Variants in LRRC4C observed in about 807,000 individuals in gnomAD.
LRRC4C encodes the protein leucine-rich repeat-containing protein 4C.
LRRC4C carries 5 observed loss-of-function variants against 33.6 expected under a neutral mutation model. The observed-to-expected ratio is 0.15, with a 90% CI of 0.08 to 0.31. The LOEUF is 0.31. LRRC4C is among the 10% of genes least tolerant of loss of function. The probability of loss-of-function intolerance (pLI) is 1.00; values close to 1 mark genes in which losing one functional copy is unlikely to be tolerated. For synonymous variants in LRRC4C, 329 were observed against 302.0 expected (o/e 1.09, Z -0.93); for missense variants, 560 against 796.7 (o/e 0.70, Z 3.58).
At chr11:41,325,503 G>A (rs1020489539) in intron 1 of LRRC4C, among the ~76,000 whole-genome samples, 2 of 151,106 alleles carry the variant, frequency 1.3e-5, no homozygotes, top group Non-Finnish European at 2.9e-5. Flanking sequence ...TATGGAATAG[G>A]GGTAATAACA....
chr11:40,356,507 G>A (rs942292666), intron 3 of LRRC4C, among the ~76,000 whole-genome samples: 6 of 152,176 alleles, frequency 3.9e-5, no homozygotes, highest in East Asian at 1.9e-4. Flanking sequence ...ATGTCTGGCC[G>A]CTAAGGGTAG....
At chr11:40,224,286 A>T (rs979383398) in intron 5 of LRRC4C, among the ~76,000 whole-genome samples, 5 of 152,196 alleles carry the variant, frequency 3.3e-5, no homozygotes, top group African/African-American at 1.2e-4. Context: ...TGCACCTAGC[A>T]TTTATATCTT....
chr11:41,299,261 G>A (rs1265777250), intron 1 of LRRC4C, among the ~76,000 whole-genome samples: 1 of 152,072 alleles, frequency 6.6e-6, no homozygotes, highest in Non-Finnish European at 1.5e-5. Context: ...GCAGAGAAAT[G>A]AGTTATAGCC....
intron 3 of LRRC4C, among the ~76,000 whole-genome samples, chr11:40,344,083 T>C (rs1382583328): frequency 6.6e-6 from 1 of 151,958 alleles, no homozygotes; most frequent in African/African-American, 2.4e-5. Flanking sequence ...AAAGAAGAGC[T>C]GGTACCATTT....
chr11:41,453,927 A>G (rs866010377), intron 1 of LRRC4C, among the ~76,000 whole-genome samples: 8 of 152,098 alleles, frequency 5.3e-5, no homozygotes, highest in South Asian at 4.1e-4. Context: ...GTTTTGACCA[A>G]TTGACATCCC....
At chr11:40,403,704 G>T (rs1262633181) in intron 3 of LRRC4C, among the ~76,000 whole-genome samples, 8 of 151,970 alleles carry the variant, frequency 5.3e-5, no homozygotes, top group Admixed American at 5.3e-4. Context: ...GCTTCAAAAT[G>T]GTTTTTTGTT....
chr11:40,336,961 A>T (rs903026985), intron 3 of LRRC4C, among the ~76,000 whole-genome samples: 10 of 137,616 alleles, frequency 7.3e-5, no homozygotes, highest in Admixed American at 1.6e-4. Flanking sequence ...TGGGGGACAG[A>T]GCGAGACTTC....
intron 1 of LRRC4C, among the ~76,000 whole-genome samples, chr11:41,455,883 C>T (rs554060415): frequency 3.6e-4 from 55 of 152,192 alleles, no homozygotes; most frequent in African/African-American, 1.3e-3. Flanking sequence ...ATTCTCAATC[C>T]AGAGGGTTTT....
intron 1 of LRRC4C, among the ~76,000 whole-genome samples, chr11:40,971,727 G>A (rs1430716941): frequency 2.0e-5 from 3 of 152,116 alleles, no homozygotes; most frequent in Non-Finnish European, 4.4e-5. Context: ...CCCAGGCACT[G>A]AGCACCAGCC....
intron 1 of LRRC4C, among the ~76,000 whole-genome samples, chr11:40,956,385 C>T (rs1240142236): frequency 6.6e-6 from 1 of 151,742 alleles, no homozygotes; most frequent in Non-Finnish European, 1.5e-5. Context: ...TGCTGGTAGA[C>T]ACTGTCTGTA....
intron 1 of LRRC4C, among the ~76,000 whole-genome samples, chr11:41,178,011 T>C (rs1195034168): frequency 6.6e-6 from 1 of 152,182 alleles, no homozygotes; most frequent in Non-Finnish European, 1.5e-5. Context: ...TGCATTTCTA[T>C]ATAACATGTC....
chr11:41,389,841 C>T (rs1953519959), intron 1 of LRRC4C, among the ~76,000 whole-genome samples: 1 of 151,752 alleles, frequency 6.6e-6, no homozygotes, highest in African/African-American at 2.4e-5. Flanking sequence ...ATGCTGTGAA[C>T]ATCTGAATTG....
At chr11:40,414,523 A>G (rs1950257908) in intron 3 of LRRC4C, among the ~76,000 whole-genome samples, 1 of 152,108 alleles carries the variant, frequency 6.6e-6, no homozygotes, top group Admixed American at 6.6e-5. Context: ...AGTAACTGTA[A>G]TGGTTGGTTT....
rs531526373 is a variant in LRRC4C, at chr11:40,648,165, C to T, written c.-293G>A. 1.3e-5 allele frequency: 2 copies of T among 152,090 alleles called. No homozygotes were observed. The highest frequency in any genetic ancestry group is 2.1e-4 in the South Asian group (1 of 4,826). 9.4% of individuals were successfully genotyped at this position (152,090 alleles called of 1,614,324 possible). ...ACCTGTAGCAAATTGTTCATGGACC[C>T]GTTTCTCTGTTTGCAAAACTGGAAC... On this transcript the variant is annotated 5_prime_UTR_variant, in exon 3 of 7. Transcript: ENST00000528697.
intron 1 of LRRC4C, among the ~76,000 whole-genome samples, chr11:40,989,652 T>A (rs909397289): frequency 6.6e-6 from 1 of 152,182 alleles, no homozygotes; most frequent in Non-Finnish European, 1.5e-5. Context: ...TCAGTTGTTG[T>A]ATTTATCTGG....
chr11:40,390,732 T>A (rs1294375757), intron 3 of LRRC4C, among the ~76,000 whole-genome samples: 1 of 152,196 alleles, frequency 6.6e-6, no homozygotes, highest in African/African-American at 2.4e-5. Context: ...CTGACTCATT[T>A]GACTCTTTGA....
chr11:40,582,120 G>C (rs1958495311), intron 3 of LRRC4C, among the ~76,000 whole-genome samples: 1 of 152,130 alleles, frequency 6.6e-6, no homozygotes, highest in African/African-American at 2.4e-5. Context: ...GTTAAAAAAA[G>C]AGGGTGTGAA....
intron 3 of LRRC4C, among the ~76,000 whole-genome samples, chr11:40,382,934 C>G (rs1948948830): frequency 6.6e-6 from 1 of 151,540 alleles, no homozygotes; most frequent in Non-Finnish European, 1.5e-5. Context: ...ACCTCGTGAT[C>G]CGCCTGCCTC....
intron 3 of LRRC4C, among the ~76,000 whole-genome samples, chr11:40,417,401 G>A (rs559761998): frequency 3.3e-5 from 5 of 151,964 alleles, no homozygotes; most frequent in East Asian, 3.9e-4. Context: ...GCATGATCCC[G>A]GCTCACTGCA....
Sources: gnomAD v4.1 joint callset for allele counts (sites outside exome capture counted in the v4.1 genomes callset) on GRCh38, gnomAD v4.1.1 for gene constraint, MANE v1.5 for transcripts, NCBI Gene and HGNC (gene_info 2026-07-23, HGNC 2026-07-21) for gene names.